The following SCAF11 variants were observed in gnomAD, a reference collection of about 807,000 sequenced individuals.
The protein encoded by SCAF11 is protein SCAF11.
A neutral mutation model predicts 140.5 loss-of-function variants in SCAF11; 47 were observed. That is an observed-to-expected ratio of 0.33 (90% CI 0.26 to 0.43). The LOEUF is 0.43. Ranked by LOEUF, SCAF11 falls within the 20% of genes least tolerant of loss-of-function variation. The pLI is 1.00. For missense variants in SCAF11, 1,645 were observed against 1,705.1 expected (o/e 0.96, Z 0.62); for synonymous variants, 557 against 579.4 (o/e 0.96, Z 0.55).
chr12:45,933,311 G>A (rs929279048), intron 8 of SCAF11, 79 bp from the exon 9 acceptor site: 6 of 935,886 alleles, frequency 6.4e-6, no homozygotes, highest in Non-Finnish European at 8.2e-6. Context: ...ACAAAGAATA[G>A]CAGTCGTTTT....
rs765047174 is a variant in SCAF11 at position 45,926,435 on chromosome 12, T to C, written c.3266A>G (p.Tyr1089Cys). The change falls in exon 11 of 15, where the codon TAT (tyrosine) becomes TGT (cysteine). Residue 1089 changes from tyrosine (Y) to cysteine (C), a missense_variant. This residue lies in a region of SCAF11 where 1,582 missense variants were observed against 1,609.2 expected (regional missense o/e 0.98). Transcript: ENST00000369367. ...CCACCGATTTTCATTCTGATCTTTA[T>C]AGGCAAAACTACTTCTGTAAGTGCC... ...GRGTYRSSFA[Y>C]KDQNENRWQN... The C allele has an allele frequency of 3.7e-6, 6 of 1,614,246 alleles. No individual in the cohort carries two copies. The highest frequency in any genetic ancestry group is 1.7e-5 in the Admixed American group (1 of 60,026).
intron 6 of SCAF11, among the ~76,000 whole-genome samples, chr12:45,942,848 T>A (rs1390922713): frequency 6.6e-6 from 1 of 152,206 alleles, no homozygotes; most frequent in Non-Finnish European, 1.5e-5. Context: ...TGTTTTATAT[T>A]TATATTTGCG....
chr12:45,945,579 C>T (rs1029518383), intron 5 of SCAF11, among the ~76,000 whole-genome samples: 6 of 149,578 alleles, frequency 4.0e-5, no homozygotes, highest in African/African-American at 1.5e-4. Flanking sequence ...TGCTGACACC[C>T]AGGCTGGACT....
chr12:45,949,526 C>T (rs1033810932), intron 4 of SCAF11, among the ~76,000 whole-genome samples: 3 of 151,894 alleles, frequency 2.0e-5, no homozygotes, highest in Non-Finnish European at 4.4e-5. Context: ...TTCTATCAGA[C>T]AGCACTAGTT....
Position 45,922,210 on chromosome 12 carries a change from T to TG in SCAF11, c.4246-17dup, listed in dbSNP as rs1199559923. The TG allele has an allele frequency of 2.5e-6, 4 of 1,587,754 alleles. No homozygotes were observed. The highest frequency in any genetic ancestry group is 3.4e-6 in the Non-Finnish European group (4 of 1,173,228). Reference sequence around the variant, plus strand: ...TATGACAAACCTAAGAAAAAAGGGGTGGGGGGTAAACTTTTTTCATGCTTA... The same window carrying TG: ...TATGACAAACCTAAGAAAAAAGGGGTGGGGGGGTAAACTTTTTTCATGCTTA... On this transcript the variant is annotated splice_polypyrimidine_tract_variant and intron_variant, in intron 14 of 14. Coordinates refer to ENST00000369367, the MANE Select transcript of SCAF11 (RefSeq NM_004719.3).
In SCAF11 at chr12:45,984,638, C is replaced by T. The variant is rs368853671; in HGVS notation, c.-22+5715G>A. On this transcript the variant is annotated intron_variant, in intron 1 of 14. Transcript: ENST00000369367. ...TATTCCGAGATTATCTCAGCTTTGG[C>T]TAGTGAAAGCCTTTCAAGATAGTTT... Among the ~76,000 whole-genome samples the T allele has an allele frequency of 5.3e-5, 8 of 151,282 alleles. No individual in the cohort carries two copies. In the East Asian group the frequency reaches 1.6e-3, roughly 29 times the overall value.
chr12:45,981,417 T>G (rs1405502484), intron 1 of SCAF11, among the ~76,000 whole-genome samples: 4 of 152,332 alleles, frequency 2.6e-5, no homozygotes, highest in Admixed American at 2.6e-4. Flanking sequence ...TCCAAGTCCC[T>G]TAAAGTTGTA....
At chr12:45,961,243 G>A (rs1945817823) in intron 3 of SCAF11, 2 of 692,096 alleles carry the variant, frequency 2.9e-6, no homozygotes, top group Non-Finnish European at 2.7e-6. Context: ...CTGTAAAATG[G>A]AAGGACACTA....
At chr12:45,973,137 T>C (rs1946151944) in intron 1 of SCAF11, among the ~76,000 whole-genome samples, 1 of 147,400 alleles carries the variant, frequency 6.8e-6, no homozygotes, top group Admixed American at 6.7e-5. Flanking sequence ...AACAACCAAA[T>C]GGAAACCAAC....
At position 45,965,964 on chromosome 12, in the gene SCAF11, A is replaced by G. The variant is rs1194981130; in HGVS notation, c.-21-1776T>C. ...CAGATCAAATACAACCTCAAAATGAATCAGCATTAGAATCTAAAAACTTTT... is the reference window on the plus strand; with the variant it reads ...CAGATCAAATACAACCTCAAAATGAGTCAGCATTAGAATCTAAAAACTTTT... On this transcript the variant is annotated intron_variant, in intron 1 of 14. Coordinates refer to ENST00000369367, the MANE Select transcript of SCAF11 (RefSeq NM_004719.3). Among the ~76,000 whole-genome samples, 4 of 152,248 alleles carry G rather than the reference A, an allele frequency of 2.6e-5. No individual in the cohort carries two copies. In the East Asian group the frequency reaches 7.7e-4, roughly 29 times the overall value.
intron 3 of SCAF11, chr12:45,960,889 T>C (rs1945811134): frequency 6.5e-6 from 1 of 154,048 alleles, no homozygotes; most frequent in South Asian, 2.1e-4. Context: ...TAAGATATTA[T>C]CTTCTTTACT....
intron 1 of SCAF11, among the ~76,000 whole-genome samples, chr12:45,968,913 G>A (rs371213731): frequency 1.3e-5 from 2 of 152,166 alleles, no homozygotes; most frequent in African/African-American, 2.4e-5. Flanking sequence ...GCGACAGAGC[G>A]AGACTCCATC....
In SCAF11 at chr12:45,930,554, C is replaced by T. The variant is rs76567063; in HGVS notation, c.841+952G>A. Among the ~76,000 whole-genome samples the T allele has an allele frequency of 5.3e-3, 783 of 148,162 alleles. 5 individuals carry two copies. Among genetic ancestry groups the T allele is most frequent in the African/African-American group, 0.018 (722 of 39,870 alleles). On this transcript the variant is annotated intron_variant, in intron 10 of 14. Transcript: ENST00000369367. ...TTGTAGCCTCAACCTCCCAGACATT[C>T]ACAACACTTGAGTACACCAGAATAG...
intron 1 of SCAF11, among the ~76,000 whole-genome samples, chr12:45,979,972 C>T (rs1946314327): frequency 6.6e-6 from 1 of 151,958 alleles, no homozygotes; most frequent in African/African-American, 2.4e-5. Context: ...ATCACAAATG[C>T]TACAAATGCC....
chr12:45,947,194 AC>A (rs1484526828), intron 5 of SCAF11, among the ~76,000 whole-genome samples: 1 of 152,228 alleles, frequency 6.6e-6, no homozygotes, highest in Non-Finnish European at 1.5e-5. Flanking sequence ...CAACTCTTGG[AC>A]AGCTCTAAAT....
intron 6 of SCAF11, chr12:45,935,055 T>C (rs952960381): frequency 6.6e-6 from 1 of 152,296 alleles, no homozygotes; most frequent in African/African-American, 2.4e-5. Flanking sequence ...ATGTGCTGAC[T>C]GAAACAGCTT....
intron 12 of SCAF11, 85 bp from the exon 13 acceptor site, chr12:45,923,239 A>T: frequency 8.2e-7 from 1 of 1,226,810 alleles, no homozygotes; most frequent in Non-Finnish European, 1.2e-6. Flanking sequence ...AACATTAAAA[A>T]ACACAAAGCA....
intron 1 of SCAF11, among the ~76,000 whole-genome samples, chr12:45,988,371 T>C (rs1204778451): frequency 6.6e-6 from 1 of 152,244 alleles, no homozygotes; most frequent in Admixed American, 6.5e-5. Context: ...AGTATAGTAC[T>C]GTATTTTCTG....
rs369338243 is a variant in SCAF11 at position 45,933,252 on chromosome 12, C to A, written c.633-20G>T. 3.6e-4 allele frequency: 553 copies of A among 1,533,122 alleles called. No individual in the cohort carries two copies. The highest frequency in any genetic ancestry group is 4.6e-4 in the Non-Finnish European group (516 of 1,115,700). The allele number at this position is 1,533,122 out of a possible 1,614,324, so 95.0% of individuals were successfully genotyped here. On this transcript the variant is annotated intron_variant, in intron 8 of 14. Coordinates refer to ENST00000369367, the MANE Select transcript of SCAF11 (RefSeq NM_004719.3). ...TCTGTACTAAAAGATAAATTTTAGA[C>A]CTTCATCAGAATCTCACAATTTTAG...
Sources: allele counts gnomAD v4.1 joint callset (sites outside exome capture counted in the v4.1 genomes callset), GRCh38; gene constraint gnomAD v4.1.1; regional missense constraint gnomAD v4.1.1; transcripts MANE v1.5; gene names NCBI Gene and HGNC (gene_info 2026-07-23, HGNC 2026-07-21).